Variants in RBM46 observed in about 807,000 individuals in gnomAD.
The protein encoded by RBM46 is RNA binding motif protein 46, also known as probable RNA-binding protein 46.
Under a neutral mutation model 43.3 loss-of-function variants are expected in RBM46, and 12 were observed. That is an observed-to-expected ratio of 0.28 (90% CI 0.18 to 0.45). The LOEUF is 0.45. Ranked by LOEUF, RBM46 falls within the 20% of genes least tolerant of loss-of-function variation. The probability of loss-of-function intolerance (pLI) is 1.00; values close to 1 mark genes in which losing one functional copy is unlikely to be tolerated. For synonymous variants in RBM46, 205 were observed against 207.6 expected (o/e 0.99, Z 0.11); for missense variants, 412 against 639.1 (o/e 0.64, Z 3.83).
At position 154,828,299 on chromosome 4, in the gene RBM46, A is replaced by ACT. The variant is rs1736063057; in HGVS notation, c.*233_*234dup. The ACT allele has an allele frequency of 2.2e-6, 1 of 459,534 alleles. No homozygotes were observed. Among genetic ancestry groups the ACT allele is most frequent in the African/African-American group, 2.0e-5 (1 of 49,854 alleles). The allele number at this position is 459,534 out of a possible 1,614,324, so 28.5% of individuals were successfully genotyped here. A position where few individuals can be genotyped will look rare whatever the true frequency, so the allele number is the denominator to read the frequency against. On this transcript the variant is annotated 3_prime_UTR_variant, in exon 5 of 5. Coordinates refer to ENST00000281722, the MANE Select transcript of RBM46 (RefSeq NM_144979.5). The stretch of plus-strand genomic sequence containing the variant: ...GTTTCTCTTGATAAAGGTACAGCAA[A>ACT]CTACTATTCTTTTTAAACTTCTAGG...
At chr4:154,803,291 A>G (rs1389071642) in intron 4 of RBM46, among the ~76,000 whole-genome samples, 1 of 152,212 alleles carries the variant, frequency 6.6e-6, no homozygotes, top group Non-Finnish European at 1.5e-5. Flanking sequence ...TAATGCCAAA[A>G]TAGAACCTTC....
intron 1 of RBM46, among the ~76,000 whole-genome samples, chr4:154,788,491 G>A (rs970539454): frequency 6.6e-6 from 1 of 152,122 alleles, no homozygotes; most frequent in African/African-American, 2.4e-5. Flanking sequence ...AAGATCAGAT[G>A]GTTGTAGATG....
intron 4 of RBM46, among the ~76,000 whole-genome samples, chr4:154,822,568 T>TA (rs200199125): frequency 2.2e-4 from 32 of 147,818 alleles, no homozygotes; most frequent in South Asian, 1.1e-3. Context: ...TAGTATAGCT[T>TA]AAAAAAAAAA....
chr4:154,817,394 G>T (rs995434831), intron 4 of RBM46, among the ~76,000 whole-genome samples: 1 of 148,952 alleles, frequency 6.7e-6, no homozygotes, highest in African/African-American at 2.5e-5. Context: ...GTGCAGTGGC[G>T]TGATCTCGGC....
At chr4:154,783,219 T>G (rs1485093423) in intron 1 of RBM46, among the ~76,000 whole-genome samples, 3 of 152,210 alleles carry the variant, frequency 2.0e-5, no homozygotes, top group Non-Finnish European at 4.4e-5. Flanking sequence ...TTGCTGATTT[T>G]CACTTAAGAG....
rs866980816 is a variant in RBM46, at chr4:154,787,893, G to A, written c.-12+6457G>A. On this transcript the variant is annotated intron_variant, in intron 1 of 4. Coordinates refer to ENST00000281722, the MANE Select transcript of RBM46 (RefSeq NM_144979.5). ...TCACCATTCTAACTGGTATGAGATG[G>A]TATCTCATTGTGGTTTTGATTTGCA... Among the ~76,000 whole-genome samples the A allele has an allele frequency of 2.5e-4, 38 of 152,214 alleles. No individual in the cohort carries two copies. In the Middle Eastern group the frequency reaches 0.034, roughly 136 times the overall value.
In RBM46 at chr4:154,799,411, A is replaced by G; in HGVS notation, c.1249A>G (p.Thr417Ala). 1 of 1,614,120 alleles carries G rather than the reference A, an allele frequency of 6.2e-7. No individual in the cohort carries two copies. The highest frequency in any genetic ancestry group is 1.1e-5 in the South Asian group (1 of 91,044). ...ACCACCAGAATATTATTTATATTCA[A>G]CAACAAGTCAAGATGGGAAAGTACT... ...WAPPEYYLYS[T>A]TSQDGKVLLV... Residue 417 changes from threonine (T) to alanine (A), a missense_variant, in exon 4 of 5, where the codon ACA becomes GCA. Coordinates refer to ENST00000281722, the MANE Select transcript of RBM46 (RefSeq NM_144979.5).
At chr4:154,826,010 A>G (rs1170319105) in intron 4 of RBM46, among the ~76,000 whole-genome samples, 2 of 152,180 alleles carry the variant, frequency 1.3e-5, no homozygotes, top group African/African-American at 2.4e-5. Flanking sequence ...CTAATAAGAA[A>G]TTGACTGTAT....
intron 4 of RBM46, among the ~76,000 whole-genome samples, chr4:154,799,964 G>A (rs1169110519): frequency 6.6e-6 from 1 of 151,732 alleles, no homozygotes; most frequent in Non-Finnish European, 1.5e-5. Flanking sequence ...GTAGAGACAG[G>A]GTTTCACTGT....
At chr4:154,822,579 GT>G (rs928200480) in intron 4 of RBM46, among the ~76,000 whole-genome samples, 24 of 149,842 alleles carry the variant, frequency 1.6e-4, no homozygotes, top group African/African-American at 4.2e-4. Flanking sequence ...AAAAAAAAAA[GT>G]TTTTTTTTGC....
At chr4:154,820,050 GA>G (rs1471390463) in intron 4 of RBM46, among the ~76,000 whole-genome samples, 3 of 151,902 alleles carry the variant, frequency 2.0e-5, no homozygotes, top group African/African-American at 7.3e-5. Flanking sequence ...TTTGTTTTTA[GA>G]GTCTCTTCTT....
At chr4:154,813,099 TAATTTAA>T (rs71600352) in intron 4 of RBM46, among the ~76,000 whole-genome samples, 32,514 of 151,844 alleles carry the variant, frequency 0.21, 4,018 homozygotes, top group Middle Eastern at 0.3. Context: ...GCTTTCCAAA[TAATTTAA>T]AGCAATCTAC....
At chr4:154,794,177 C>CTTTTTT (rs58437982) in intron 1 of RBM46, among the ~76,000 whole-genome samples, 4 of 115,734 alleles carry the variant, frequency 3.5e-5, no homozygotes, top group East Asian at 2.9e-4. Context: ...GTAGTAATCA[C>CTTTTTT]TTTTTTTTTT....
chr4:154,782,760 C>T (rs868439578), intron 1 of RBM46, among the ~76,000 whole-genome samples: 3 of 152,172 alleles, frequency 2.0e-5, no homozygotes, highest in Non-Finnish European at 2.9e-5. Flanking sequence ...GGATTACAGG[C>T]GTGAGCCATC....
chr4:154,792,462 T>C (rs1048020957), intron 1 of RBM46, among the ~76,000 whole-genome samples: 13 of 152,192 alleles, frequency 8.5e-5, no homozygotes, highest in African/African-American at 2.9e-4. Context: ...ATGATGTCTC[T>C]CCTTCCGTGT....
In RBM46 at chr4:154,828,087, A is replaced by T; in HGVS notation, c.*20A>T. 6.5e-7 allele frequency: 1 copy of T among 1,532,106 alleles called. No individual in the cohort carries two copies. The highest frequency in any genetic ancestry group is 1.1e-5 in the South Asian group (1 of 88,634). 94.9% of individuals were successfully genotyped at this position (1,532,106 alleles called of 1,614,324 possible). On this transcript the variant is annotated 3_prime_UTR_variant, in exon 5 of 5. Transcript: ENST00000281722. Reference sequence around the variant, plus strand: ...TTCTGAAGAAAATACTAACATTAGTATGAAAATTTGTGTAAATTTGTAGTA... The same window carrying T: ...TTCTGAAGAAAATACTAACATTAGTTTGAAAATTTGTGTAAATTTGTAGTA...
At chr4:154,800,268 A>G (rs1399463531) in intron 4 of RBM46, among the ~76,000 whole-genome samples, 1 of 152,158 alleles carries the variant, frequency 6.6e-6, no homozygotes, top group East Asian at 1.9e-4. Flanking sequence ...AGTCTACATA[A>G]TGATCTTTTT....
At chr4:154,801,365 T>C (rs933254613) in intron 4 of RBM46, among the ~76,000 whole-genome samples, 21 of 152,196 alleles carry the variant, frequency 1.4e-4, no homozygotes, top group Non-Finnish European at 2.4e-4. Flanking sequence ...TTTGGAGATA[T>C]TTGGGGATTT....
At chr4:154,813,978 T>C (rs1391630856) in intron 4 of RBM46, among the ~76,000 whole-genome samples, 2 of 152,078 alleles carry the variant, frequency 1.3e-5, no homozygotes, top group Non-Finnish European at 2.9e-5. Context: ...TTCAAAGATA[T>C]AGAATATGCT....
Sources: gnomAD v4.1 joint callset for allele counts (sites outside exome capture counted in the v4.1 genomes callset) on GRCh38, gnomAD v4.1.1 for gene constraint, MANE v1.5 for transcripts, NCBI Gene and HGNC (gene_info 2026-07-23, HGNC 2026-07-21) for gene names.